SPIDR: variants seen among roughly 807,000 people sequenced by gnomAD.
The protein encoded by SPIDR is DNA repair-scaffolding protein.
A neutral mutation model predicts 104.6 loss-of-function variants in SPIDR; 93 were observed. The observed-to-expected ratio is 0.89, with a 90% confidence interval of 0.75 to 1.06. The LOEUF (loss-of-function observed/expected upper bound fraction) is 1.06, where lower values mean the gene tolerates loss of function less well. Ranked by LOEUF, SPIDR falls within the 50% of genes least tolerant of loss-of-function variation. The pLI, the probability that SPIDR is intolerant of heterozygous loss-of-function variation, is 0.00. For missense variants in SPIDR, 1,154 were observed against 1,111.2 expected (o/e 1.04, Z -0.55); for synonymous variants, 431 against 416.9 (o/e 1.03, Z -0.41).
intron 8 of SPIDR, among the ~76,000 whole-genome samples, chr8:47,447,411 A>C (rs1185106397): frequency 5.3e-5 from 8 of 151,990 alleles, no homozygotes; most frequent in Non-Finnish European, 1.2e-4. Flanking sequence ...ATGGGGTTTC[A>C]CCATGTTGGC....
At chr8:47,724,143 C>G (rs2083854662) in intron 16 of SPIDR, among the ~76,000 whole-genome samples, 1 of 152,156 alleles carries the variant, frequency 6.6e-6, no homozygotes, top group Non-Finnish European at 1.5e-5. Context: ...TCTTCTGCTT[C>G]CGGGCCTGTT....
chr8:47,450,492 G>C (rs1254326768), intron 8 of SPIDR, among the ~76,000 whole-genome samples: 1 of 152,162 alleles, frequency 6.6e-6, no homozygotes, highest in African/African-American at 2.4e-5. Flanking sequence ...GACTATAGCA[G>C]GGTGTTCATA....
chr8:47,627,802 G>GCATGA (rs2066432242), intron 10 of SPIDR, among the ~76,000 whole-genome samples: 1 of 152,148 alleles, frequency 6.6e-6, no homozygotes, highest in South Asian at 2.1e-4. Flanking sequence ...CATTTGGAAA[G>GCATGA]GGCTGTCTTT....
Position 47,293,911 on chromosome 8 carries a change from G to C in SPIDR, c.406G>C (p.Glu136Gln), listed in dbSNP as rs1299384747. ...IDWEIDSDRA[E>Q]ASDCDEFEDD... is the part of the protein sequence containing the mutation. ...CTGGGAGATTGACAGTGACAGGGCA[G>C]AGGCTAGTGACTGTGATGAATTTGA... The change falls in exon 5 of 20, where the codon GAG becomes CAG. Residue 136 changes from glutamate to glutamine, a missense_variant. Coordinates refer to ENST00000297423, the MANE Select transcript of SPIDR (RefSeq NM_001080394.4). The C allele has an allele frequency of 1.2e-6, 2 of 1,613,906 alleles. No homozygotes were observed. The highest frequency in any genetic ancestry group is 1.7e-6 in the Non-Finnish European group (2 of 1,179,938).
chr8:47,523,530 G>A (rs1313171653), intron 8 of SPIDR, among the ~76,000 whole-genome samples: 4 of 152,182 alleles, frequency 2.6e-5, no homozygotes, highest in Non-Finnish European at 4.4e-5. Flanking sequence ...GAAGTCCTTC[G>A]ATGTAGCTGC....
intron 8 of SPIDR, among the ~76,000 whole-genome samples, chr8:47,442,915 A>AT (rs1437535857): frequency 6.6e-6 from 1 of 151,852 alleles, no homozygotes; most frequent in African/African-American, 2.4e-5. Flanking sequence ...TCAACTTCTC[A>AT]TTTTTTTGGC....
chr8:47,585,758 C>T lies in SPIDR; in HGVS notation c.1098-10053C>T, dbSNP rs373115403. On this transcript the variant is annotated intron_variant, in intron 8 of 19. Coordinates refer to ENST00000297423, the MANE Select transcript of SPIDR (RefSeq NM_001080394.4). ...ACCATTACATGGCAAGAGAGCTGAG[C>T]ATGCTAGGTCAGGTCTCTCTACCTC... is the stretch of plus-strand genomic sequence containing the variant. Among the ~76,000 whole-genome samples the T allele has an allele frequency of 6.6e-5, 10 of 152,272 alleles. No homozygotes were observed. The East Asian group carries it at 1.2e-3, about 18-fold the overall frequency.
At chr8:47,701,427 CAAAA>C (rs1001569932) in intron 12 of SPIDR, among the ~76,000 whole-genome samples, 2 of 151,376 alleles carry the variant, frequency 1.3e-5, no homozygotes, top group African/African-American at 4.8e-5. Flanking sequence ...AACTCTGTCT[CAAAA>C]AAAAGCCATT....
intron 16 of SPIDR, among the ~76,000 whole-genome samples, chr8:47,723,424 C>CTTT (rs1172759816): frequency 6.2e-5 from 8 of 129,400 alleles, no homozygotes; most frequent in East Asian, 2.2e-4. Flanking sequence ...ATCAATTATA[C>CTTT]TTTTTTTTTT....
intron 11 of SPIDR, chr8:47,688,636 T>A (rs1240476262): frequency 6.6e-6 from 1 of 152,266 alleles, no homozygotes; most frequent in Non-Finnish European, 1.5e-5. Context: ...ATGCAGTTGT[T>A]CTAGGCATTT....
chr8:47,673,503 A>G (rs2076045622), intron 10 of SPIDR: 2 of 500,962 alleles, frequency 4.0e-6, no homozygotes, highest in Non-Finnish European at 7.8e-6. Context: ...CTTTTCAGCC[A>G]TATTTGGCTT....
chr8:47,354,603 A>G (rs1425800581), intron 5 of SPIDR, among the ~76,000 whole-genome samples: 5 of 152,070 alleles, frequency 3.3e-5, no homozygotes, highest in African/African-American at 1.2e-4. Context: ...TAATAAATTT[A>G]TGTTTATACT....
intron 8 of SPIDR, among the ~76,000 whole-genome samples, chr8:47,467,688 A>G (rs909987029): frequency 6.6e-6 from 1 of 151,846 alleles, no homozygotes; most frequent in Non-Finnish European, 1.5e-5. Context: ...TCTGAATTAC[A>G]TATTGAAGGA....
intron 8 of SPIDR, among the ~76,000 whole-genome samples, chr8:47,499,850 T>C (rs1262626547): frequency 1.3e-5 from 2 of 151,358 alleles, no homozygotes; most frequent in African/African-American, 2.4e-5. Context: ...TGTCCATGTG[T>C]TCTCATTGTT....
intron 5 of SPIDR, among the ~76,000 whole-genome samples, chr8:47,368,207 T>TA (rs2057474243): frequency 6.6e-6 from 1 of 151,856 alleles, no homozygotes; most frequent in Non-Finnish European, 1.5e-5. Flanking sequence ...TTAACCTGAT[T>TA]ACCTCCCAAA....
In SPIDR at chr8:47,648,144, G is replaced by A. The variant is rs41528455; in HGVS notation, c.1545-25657G>A. 9.9e-3 allele frequency among the ~76,000 whole-genome samples: 1,509 copies of A among 152,314 alleles called. 28 individuals carry two copies. Among genetic ancestry groups the A allele is most frequent in the African/African-American group, 0.034 (1,394 of 41,558 alleles). ...CTGAGTCCTCCATTAGGGCAAGCTGGTGGATAAAGACATGGTGCAGAACTG... is the reference window on the plus strand; with the variant it reads ...CTGAGTCCTCCATTAGGGCAAGCTGATGGATAAAGACATGGTGCAGAACTG... On this transcript the variant is annotated intron_variant, in intron 10 of 19. Transcript: ENST00000297423.
chr8:47,348,782 G>A (rs10094689), intron 5 of SPIDR, among the ~76,000 whole-genome samples: 4,247 of 152,242 alleles, frequency 0.028, 211 homozygotes, highest in African/African-American at 0.095. Context: ...TTCTCGTGCC[G>A]TGGCTTTCAG....
At chr8:47,628,136 C>G (rs1176118112) in intron 10 of SPIDR, among the ~76,000 whole-genome samples, 1 of 152,170 alleles carries the variant, frequency 6.6e-6, no homozygotes, top group African/African-American at 2.4e-5. Context: ...ATATAGATGG[C>G]TTTCCCTATT....
At chr8:47,509,260 T>C (rs1174695623) in intron 8 of SPIDR, among the ~76,000 whole-genome samples, 3 of 152,198 alleles carry the variant, frequency 2.0e-5, no homozygotes. Flanking sequence ...ATTCCTGTTC[T>C]TGTAGAAATC....
Sources: gnomAD v4.1 joint callset for allele counts (sites outside exome capture counted in the v4.1 genomes callset) on GRCh38, gnomAD v4.1.1 for gene constraint, MANE v1.5 for transcripts, NCBI Gene and HGNC (gene_info 2026-07-23, HGNC 2026-07-21) for gene names.